SIRT3: variants seen among roughly 807,000 people sequenced by gnomAD.
SIRT3 encodes NAD-dependent protein deacetylase sirtuin-3, mitochondrial.
Under a neutral mutation model 33.5 loss-of-function variants are expected in SIRT3, and 26 were observed. The observed-to-expected ratio is 0.78, with a 90% CI of 0.57 to 1.08. The LOEUF (loss-of-function observed/expected upper bound fraction) is 1.08, where lower values mean the gene tolerates loss of function less well. SIRT3 is among the 50% of genes least tolerant of loss of function. SIRT3 has a pLI of 0.00. For missense variants in SIRT3, 585 were observed against 530.1 expected, an observed-to-expected ratio of 1.10 and a Z score of -1.02; for synonymous variants, 237 against 222.1, an observed-to-expected ratio of 1.07 and a Z score of -0.60.
rs1435489191 is a variant in SIRT3, at chr11:219,076, C to T, written c.970-35G>A. 11 of 1,576,772 alleles carry T rather than the reference C, an allele frequency of 7.0e-6. No homozygotes were observed. The South Asian group carries it at 1.3e-4, about 18-fold the overall frequency. ...GGGCCAAACGTGAGGGGCACAGTGT[C>T]CACTTTACAAGCTCCTCAGGATGTT... is the stretch of plus-strand genomic sequence containing the variant. On this transcript the variant is annotated intron_variant, in intron 5 of 6. Transcript: ENST00000382743.
intron 6 of SIRT3, among the ~76,000 whole-genome samples, chr11:218,608 G>A (rs953368907): frequency 1.3e-5 from 2 of 152,168 alleles, no homozygotes; most frequent in African/African-American, 4.8e-5. Flanking sequence ...CTGAGTGTCT[G>A]GACCGTGTCC....
intron 5 of SIRT3, 29 bp downstream of exon 5, chr11:224,049 C>G (rs774505562): frequency 1.9e-5 from 30 of 1,610,880 alleles, no homozygotes; most frequent in Non-Finnish European, 2.3e-5. Flanking sequence ...GCCCTCCAGC[C>G]TCCTCCCTGC....
chr11:226,095 A>G (rs753858258), intron 4 of SIRT3: 1 of 152,268 alleles, frequency 6.6e-6, no homozygotes, highest in Non-Finnish European at 1.5e-5. Flanking sequence ...AGATAGAAGG[A>G]AACAGAGGAA....
rs770554922 is a variant in SIRT3 at position 233,130 on chromosome 11, G to A, written c.559C>T (p.His187Tyr). The A allele has an allele frequency of 6.2e-7, 1 of 1,614,186 alleles. No homozygotes were observed. Among genetic ancestry groups the A allele is most frequent in the Non-Finnish European group, 8.5e-7 (1 of 1,180,028 alleles). ...AAAGTGAAAAAGGGCTTGGGGTTGT[G>A]AAAGAAGAATGGGAGTTCAAAAATG... ...EAIFELPFFFHNPKPFFTLAK... is the reference protein window; with the variant it reads ...EAIFELPFFFYNPKPFFTLAK... The change falls in exon 3 of 7, where the codon CAC becomes TAC. Residue 187 changes from histidine to tyrosine, a missense_variant. His to Tyr is a moderately conservative substitution (Grantham distance 83). Transcript: ENST00000382743.
chr11:227,308 C>T (rs144276621), intron 4 of SIRT3, among the ~76,000 whole-genome samples: 1,973 of 151,526 alleles, frequency 0.013, 49 homozygotes, highest in African/African-American at 0.045. Context: ...CATGGTGGCG[C>T]ATGCCTGCAA....
At chr11:233,302 G>A (rs918725120) in intron 2 of SIRT3, 41 bp downstream of exon 2, 29 of 1,603,744 alleles carry the variant, frequency 1.8e-5, no homozygotes, top group Non-Finnish European at 2.4e-5. Flanking sequence ...CAGGAGTCAG[G>A]GGAGGGGAGC....
chr11:221,936 CAGTT>C (rs1031496101), intron 5 of SIRT3, among the ~76,000 whole-genome samples: 8 of 151,912 alleles, frequency 5.3e-5, no homozygotes, highest in African/African-American at 1.9e-4. Context: ...AAAATGCTAA[CAGTT>C]GGTGGGATTA....
rs1410632412 is a variant in SIRT3 at position 216,717 on chromosome 11, A to G, written c.1181T>C (p.Leu394Pro). 6.2e-7 allele frequency: 1 copy of G among 1,614,008 alleles called. No individual in the cohort carries two copies. The highest frequency in any genetic ancestry group is 8.5e-7 in the Non-Finnish European group (1 of 1,179,990). Residue 394 changes from leucine to proline, a missense_variant and splice_region_variant, in exon 7 of 7, where the codon CTT becomes CCT. Physicochemically the swap from Leu to Pro is moderately conservative, Grantham distance 98. Coordinates refer to ENST00000382743, the MANE Select transcript of SIRT3 (RefSeq NM_012239.6). ...ATCATCCTATTTGTCTGGTCCATCA[A>G]GCTGGAATACAGAAGACAGAGGGTA... ...RDLVQRETGK[L>P]DGPDK
intron 6 of SIRT3, 106 bp downstream of exon 6, chr11:218,726 C>A: frequency 6.4e-7 from 1 of 1,562,912 alleles, no homozygotes; most frequent in Non-Finnish European, 8.7e-7. Flanking sequence ...GCATCATCAG[C>A]TATTACTGTT....
chr11:230,399 A>T, intron 4 of SIRT3, 53 bp downstream of exon 4: 1 of 1,086,172 alleles, frequency 9.2e-7, no homozygotes, highest in Non-Finnish European at 1.3e-6. Context: ...CCACTTTTCC[A>T]GATCACCCCA....
At chr11:224,845 G>C (rs73392700) in intron 4 of SIRT3, among the ~76,000 whole-genome samples, 7,702 of 152,044 alleles carry the variant, frequency 0.051, 247 homozygotes, top group East Asian at 0.14. Context: ...ATGCCTTGGA[G>C]CAGATGGAAA....
upstream of SIRT3, chr11:236,857 G>A (rs552902254): frequency 6.6e-6 from 4 of 601,916 alleles, no homozygotes; most frequent in East Asian, 2.9e-5. Flanking sequence ...GGCTGCAAAC[G>A]CCGGAGAGTT....
At position 236,145 on chromosome 11, in the gene SIRT3, C is replaced by G. The variant is rs1416470354; in HGVS notation, c.184G>C (p.Asp62His). ...GSHGARGEPL[D>H]PARPLQRPPR... ...GGCCTCTGCAAGGGGCGCGCCGGGTCCAAGGGCTCACCGCGGGCCCCATGG... is the reference window on the plus strand; with the variant it reads ...GGCCTCTGCAAGGGGCGCGCCGGGTGCAAGGGCTCACCGCGGGCCCCATGG... The change falls in exon 1 of 7, where the codon GAC (aspartate) becomes CAC (histidine). Residue 62 changes from aspartate to histidine, a missense_variant. Transcript: ENST00000382743. The G allele has an allele frequency of 6.4e-7, 1 of 1,573,084 alleles. No homozygotes were observed. Among genetic ancestry groups the G allele is most frequent in the East Asian group, 2.4e-5 (1 of 42,078 alleles).
chr11:216,742 A>G (rs1306063708), intron 6 of SIRT3, 24 bp from the exon 7 acceptor site: 1 of 1,613,768 alleles, frequency 6.2e-7, no homozygotes, highest in Non-Finnish European at 8.5e-7. Context: ...GACAGAGGGT[A>G]TCAGCTATCT....
At chr11:232,275 G>A (rs573676) in intron 3 of SIRT3, among the ~76,000 whole-genome samples, 5 of 151,792 alleles carry the variant, frequency 3.3e-5, no homozygotes, top group Admixed American at 6.6e-5. Context: ...ACACCACCAC[G>A]CCTGGCTAAT....
chr11:223,310 G>A lies in SIRT3; in HGVS notation c.969+768C>T, dbSNP rs1474671044. ...CTGGGCATCCTCCCTCCCAAATCAC[G>A]CCTCACCAGCAAGTGCCCTGACCTT... is the stretch of plus-strand genomic sequence containing the variant. On this transcript the variant is annotated intron_variant, in intron 5 of 6. Transcript: ENST00000382743. This position sits in a 1 kb window ranked among gnomAD's most constrained non-coding sequence, Gnocchi z 4.8. 10 of 178,310 alleles carry A rather than the reference G, an allele frequency of 5.6e-5. No individual in the cohort carries two copies. The highest frequency in any genetic ancestry group is 1.4e-4 in the African/African-American group (6 of 42,348). 11.0% of individuals were successfully genotyped at this position (178,310 alleles called of 1,614,324 possible).
At chr11:224,747 G>C (rs1186827142) in intron 4 of SIRT3, among the ~76,000 whole-genome samples, 3 of 152,128 alleles carry the variant, frequency 2.0e-5, no homozygotes, top group Non-Finnish European at 2.9e-5. Context: ...GCATTATTAG[G>C]AGTAACAACA....
chr11:236,775 C>T (rs538693457), upstream of SIRT3: 4 of 525,164 alleles, frequency 7.6e-6, no homozygotes, highest in South Asian at 2.2e-5. Flanking sequence ...CAAAGCTAGT[C>T]CGTAGCGGGT....
chr11:222,068 GCTGGTGGCCCAAGTGTCCACAC>G (rs1412594150), intron 5 of SIRT3, among the ~76,000 whole-genome samples: 1 of 152,110 alleles, frequency 6.6e-6, no homozygotes, highest in African/African-American at 2.4e-5. Flanking sequence ...AATAAAGATG[GCTGGTGGCCCAAGTGTCCACAC>G]CTGGTGGCCA....
Sources: gnomAD v4.1 joint callset for allele counts (sites outside exome capture counted in the v4.1 genomes callset) on GRCh38, gnomAD v4.1.1 for gene constraint, Gnocchi (gnomAD v3.1) non-coding constraint, MANE v1.5 for transcripts, NCBI Gene and HGNC (gene_info 2026-07-23, HGNC 2026-07-21) for gene names.